Variants in FHIP1A observed in about 807,000 individuals in gnomAD.
FHIP1A encodes FHF complex subunit HOOK interacting protein 1A, also known as FHF complex subunit HOOK-interacting protein 1A.
Under a neutral mutation model 88.6 loss-of-function variants are expected in FHIP1A, and 61 were observed. That is an observed-to-expected ratio of 0.69 (90% CI 0.56 to 0.85). The LOEUF is 0.85. Among genes scored for constraint, FHIP1A ranks in the 40% least tolerant of loss-of-function variants. The pLI is 0.00. For synonymous variants in FHIP1A, 478 were observed against 496.0 expected (o/e 0.96, Z 0.48); for missense variants, 1,154 against 1,273.5 (o/e 0.91, Z 1.43).
At chr4:151,508,554 G>A (rs1389582137) in intron 3 of FHIP1A, among the ~76,000 whole-genome samples, 2 of 152,168 alleles carry the variant, frequency 1.3e-5, no homozygotes, top group Admixed American at 6.5e-5. Context: ...TTCTCGCCCT[G>A]TAGGTGAACA....
At chr4:151,574,901 A>G (rs1249984596) in intron 4 of FHIP1A, among the ~76,000 whole-genome samples, 1 of 139,750 alleles carries the variant, frequency 7.2e-6, no homozygotes, top group Non-Finnish European at 1.6e-5. Flanking sequence ...TGACCATTTG[A>G]GTCAATAGTA....
chr4:151,528,572 A>T (rs1324175744), intron 3 of FHIP1A, among the ~76,000 whole-genome samples: 2 of 152,194 alleles, frequency 1.3e-5, no homozygotes, highest in Non-Finnish European at 2.9e-5. Context: ...GGAGGTGAGC[A>T]TTGGGTAAGG....
intron 3 of FHIP1A, among the ~76,000 whole-genome samples, chr4:151,520,969 G>A (rs897155038): frequency 5.3e-5 from 8 of 152,286 alleles, no homozygotes; most frequent in South Asian, 2.1e-4. Context: ...ATATTTGACC[G>A]ATTGTTTAAA....
At chr4:151,526,379 G>T (rs1421875544) in intron 3 of FHIP1A, among the ~76,000 whole-genome samples, 1 of 151,086 alleles carries the variant, frequency 6.6e-6, no homozygotes, top group Non-Finnish European at 1.5e-5. Flanking sequence ...GGCTGGCCGG[G>T]CGGGGGGCTG....
intron 1 of FHIP1A, among the ~76,000 whole-genome samples, chr4:151,414,627 A>G (rs986997199): frequency 6.6e-6 from 1 of 152,168 alleles, no homozygotes; most frequent in Non-Finnish European, 1.5e-5. Flanking sequence ...AGGCATTACT[A>G]AGGGGAGATG....
chr4:151,576,130 A>G (rs1024592355), intron 4 of FHIP1A, among the ~76,000 whole-genome samples: 1 of 152,206 alleles, frequency 6.6e-6, no homozygotes, highest in Non-Finnish European at 1.5e-5. Flanking sequence ...TTTAGTTTCC[A>G]GGTCGCAAAG....
intron 9 of FHIP1A, among the ~76,000 whole-genome samples, chr4:151,641,720 C>A (rs892908952): frequency 1.6e-4 from 24 of 152,218 alleles, no homozygotes; most frequent in African/African-American, 5.5e-4. Flanking sequence ...GAAAATAATT[C>A]TTTTCAGATT....
chr4:151,473,700 A>C (rs1469025821), intron 2 of FHIP1A, among the ~76,000 whole-genome samples: 1 of 152,188 alleles, frequency 6.6e-6, no homozygotes, highest in Non-Finnish European at 1.5e-5. Flanking sequence ...CTGACAGCTG[A>C]GAAAGTCAAG....
chr4:151,463,023 G>A (rs1270172773), intron 2 of FHIP1A, among the ~76,000 whole-genome samples: 9 of 152,296 alleles, frequency 5.9e-5, no homozygotes, highest in Admixed American at 1.3e-4. Flanking sequence ...AGTGTTGGCC[G>A]GTTGAGGGTA....
chr4:151,512,611 G>A (rs1731080801), intron 3 of FHIP1A, among the ~76,000 whole-genome samples: 1 of 152,228 alleles, frequency 6.6e-6, no homozygotes, highest in Non-Finnish European at 1.5e-5. Flanking sequence ...GCTTAAAGGA[G>A]CTGATGGAGC....
At position 151,459,821 on chromosome 4, in the gene FHIP1A, G is replaced by GT. The variant is rs541008248; in HGVS notation, c.-248+5014dup. Among the ~76,000 whole-genome samples the GT allele has an allele frequency of 4.3e-4, 65 of 152,288 alleles. No homozygotes were observed. The South Asian group carries it at 0.013, about 32-fold the overall frequency. ...GGCTTTAAGTGTTAATACCCTTGTT[G>GT]TAGAGCTACCAAAAACAACAACTAT... On this transcript the variant is annotated intron_variant, in intron 2 of 13. Transcript: ENST00000435205.
At chr4:151,517,673 A>G (rs1229345930) in intron 3 of FHIP1A, among the ~76,000 whole-genome samples, 1 of 152,120 alleles carries the variant, frequency 6.6e-6, no homozygotes, top group African/African-American at 2.4e-5. Flanking sequence ...GTGGTCCCCT[A>G]AGATTATAAT....
chr4:151,669,192 C>T lies in FHIP1A; in HGVS notation c.*6438C>T, dbSNP rs1034807046. ...GTCAGAGCCATGCTTTGGGTTTTTC[C>T]TAGCAGCAGTGATGATATCAACTTA... On this transcript the variant is annotated 3_prime_UTR_variant, in exon 14 of 14. Transcript: ENST00000435205. Among the ~76,000 whole-genome samples, 1 of 152,142 alleles carries T rather than the reference C, an allele frequency of 6.6e-6. No individual in the cohort carries two copies. The highest frequency in any genetic ancestry group is 1.5e-5 in the Non-Finnish European group (1 of 68,034).
rs556170763 is a variant in FHIP1A, at chr4:151,599,229, G to A, written c.978+10303G>A. Among the ~76,000 whole-genome samples, 4 of 152,308 alleles carry A rather than the reference G, an allele frequency of 2.6e-5. No homozygotes were observed. In the East Asian group the frequency reaches 7.7e-4, roughly 29 times the overall value. The stretch of plus-strand genomic sequence containing the variant: ...CAGCTATAGATACGGATATGATTTT[G>A]TGCAAAACTGGTTATTTATGACTTC... On this transcript the variant is annotated intron_variant, in intron 7 of 13. Transcript: ENST00000435205.
chr4:151,600,857 A>C (rs1376567514), intron 7 of FHIP1A, among the ~76,000 whole-genome samples: 1 of 152,190 alleles, frequency 6.6e-6, no homozygotes, highest in Non-Finnish European at 1.5e-5. Flanking sequence ...AAGAGGCAAA[A>C]GATAGAAGCT....
chr4:151,442,874 A>C (rs930744644), intron 1 of FHIP1A, among the ~76,000 whole-genome samples: 1 of 152,020 alleles, frequency 6.6e-6, no homozygotes, highest in Non-Finnish European at 1.5e-5. Context: ...TTAAATTTCT[A>C]TTTTGCCGAT....
At chr4:151,427,496 T>C (rs963559024) in intron 1 of FHIP1A, among the ~76,000 whole-genome samples, 4 of 152,194 alleles carry the variant, frequency 2.6e-5, no homozygotes, top group African/African-American at 9.6e-5. Context: ...CAAATTGTTC[T>C]CTATAAGTCA....
At chr4:151,438,787 A>G (rs1016894994) in intron 1 of FHIP1A, among the ~76,000 whole-genome samples, 2 of 151,882 alleles carry the variant, frequency 1.3e-5, no homozygotes, top group African/African-American at 2.4e-5. Flanking sequence ...GATTACAAGT[A>G]CACACCACCG....
chr4:151,646,946 T>TA (rs1206790024), intron 10 of FHIP1A, among the ~76,000 whole-genome samples, 198 bp downstream of exon 10: 1 of 152,230 alleles, frequency 6.6e-6, no homozygotes, highest in African/African-American at 2.4e-5. Flanking sequence ...GCCCAGATGT[T>TA]ACGTTCTGTT....
Sources: allele counts gnomAD v4.1 joint callset (sites outside exome capture counted in the v4.1 genomes callset), GRCh38; gene constraint gnomAD v4.1.1; transcripts MANE v1.5; gene names NCBI Gene and HGNC (gene_info 2026-07-23, HGNC 2026-07-21).